The following PCDHA13 variants were observed in gnomAD, a reference collection of about 807,000 sequenced individuals.
PCDHA13 encodes the protein protocadherin alpha-13.
In PCDHA13, 54 loss-of-function variants were observed where a neutral mutation model predicts 64.8. The ratio of observed to expected loss-of-function variants is 0.83; its 90% CI spans 0.67 to 1.04. PCDHA13 has a LOEUF of 1.04. Ranked by LOEUF, PCDHA13 falls within the 50% of genes least tolerant of loss-of-function variation. PCDHA13 has a pLI of 0.00. For synonymous variants in PCDHA13, 587 were observed against 564.4 expected, an observed-to-expected ratio of 1.04 and a Z score of -0.57; for missense variants, 1,248 against 1,254.3, an observed-to-expected ratio of 0.99 and a Z score of 0.08.
chr5:140,978,457 C>G (rs1223652568), intron 1 of PCDHA13, among the ~76,000 whole-genome samples: 1 of 152,182 alleles, frequency 6.6e-6, no homozygotes, highest in Non-Finnish European at 1.5e-5. Context: ...GCACATCCGC[C>G]CTGGGTCAAA....
At chr5:140,901,284 G>T (rs868936344) in intron 1 of PCDHA13, among the ~76,000 whole-genome samples, 1 of 152,046 alleles carries the variant, frequency 6.6e-6, no homozygotes, top group Admixed American at 6.6e-5. Flanking sequence ...AGAAATTTTT[G>T]CCCAGACTGA....
In PCDHA13 at chr5:141,009,879, A is replaced by T. The variant is rs2098415109; in HGVS notation, c.2795A>T (p.Asn932Ile). The T allele has an allele frequency of 1.2e-6, 2 of 1,613,766 alleles. No individual in the cohort carries two copies. The highest frequency in any genetic ancestry group is 3.3e-5 in the Admixed American group (2 of 59,900). Reference sequence around the variant, plus strand: ...AAAAAGAAGAAAAAGAAGAAGGGTAACAAGACCCAGGAGAAAAAAGAGAAA... The same window carrying T: ...AAAAAGAAGAAAAAGAAGAAGGGTATCAAGACCCAGGAGAAAAAAGAGAAA... The part of the protein sequence containing the change: ...TKKKKKKKKG[N>I]KTQEKKEKGN... Residue 932 changes from asparagine to isoleucine, a missense_variant, in exon 4 of 4, where the codon AAC (asparagine) becomes ATC (isoleucine). Coordinates refer to ENST00000289272, the MANE Select transcript of PCDHA13 (RefSeq NM_018904.3).
chr5:140,894,919 T>C (rs1188144925), intron 1 of PCDHA13, among the ~76,000 whole-genome samples: 1 of 152,348 alleles, frequency 6.6e-6, no homozygotes, highest in Non-Finnish European at 1.5e-5. Context: ...TGTTGCTCTA[T>C]AGATTTCTAT....
intron 1 of PCDHA13, among the ~76,000 whole-genome samples, chr5:140,923,187 T>C (rs1554201249): frequency 1.3e-5 from 2 of 152,192 alleles, no homozygotes; most frequent in African/African-American, 4.8e-5. Flanking sequence ...ATGCATCTAC[T>C]GCAGCAATTT....
Position 141,010,168 on chromosome 5 carries a change from C to T in PCDHA13, c.*231C>T. The T allele has an allele frequency of 6.4e-7, 1 of 1,561,094 alleles. No individual in the cohort carries two copies. On this transcript the variant is annotated 3_prime_UTR_variant, in exon 4 of 4. Coordinates refer to ENST00000289272, the MANE Select transcript of PCDHA13 (RefSeq NM_018904.3). Reference sequence around the variant, plus strand: ...TCTCCACTCTGGCTTGTTTTCAGAACCTAAAAAGCAGACCCAAGTTTCCTT... The same window carrying T: ...TCTCCACTCTGGCTTGTTTTCAGAATCTAAAAAGCAGACCCAAGTTTCCTT...
intron 1 of PCDHA13, among the ~76,000 whole-genome samples, chr5:140,971,015 G>C (rs1425390222): frequency 6.6e-6 from 1 of 152,228 alleles, no homozygotes; most frequent in Non-Finnish European, 1.5e-5. Flanking sequence ...GAAGTCTTTA[G>C]ATCGTAGCAT....
rs1554174153 is a variant in PCDHA13, at chr5:140,882,442, G to A, written c.174G>A (p.Glu58=). 1 of 1,613,948 alleles carries A rather than the reference G, an allele frequency of 6.2e-7. No individual in the cohort carries two copies. Among genetic ancestry groups the A allele is most frequent in the African/African-American group, 1.3e-5 (1 of 74,950 alleles). ...IAQDLGLELA[E]LVPRLFRVAS... is the part of the protein sequence containing the mutation. ...AGGACCTGGGGCTGGAGCTGGCGGA[G>A]CTGGTGCCGCGCCTGTTCCGGGTGG... Residue 58 remains glutamate, a synonymous_variant, in exon 1 of 4, where the codon GAG becomes GAA. Coordinates refer to ENST00000289272, the MANE Select transcript of PCDHA13 (RefSeq NM_018904.3).
chr5:141,007,524 C>T (rs2098334216), intron 3 of PCDHA13, among the ~76,000 whole-genome samples: 1 of 151,984 alleles, frequency 6.6e-6, no homozygotes, highest in African/African-American at 2.4e-5. Context: ...GCTGATATCT[C>T]GCCACTGCAC....
At chr5:140,981,041 A>C (rs72802989) in intron 2 of PCDHA13, among the ~76,000 whole-genome samples, 7,382 of 152,278 alleles carry the variant, frequency 0.048, 205 homozygotes, top group Non-Finnish European at 0.065. Context: ...GGGAAAAAAA[A>C]CAGATAATTC....
At chr5:141,004,508 G>A (rs1554259596) in intron 3 of PCDHA13, among the ~76,000 whole-genome samples, 1 of 152,200 alleles carries the variant, frequency 6.6e-6, no homozygotes. Flanking sequence ...GCTGTGAGGG[G>A]CTCCCTCTGC....
intron 1 of PCDHA13, among the ~76,000 whole-genome samples, chr5:140,946,305 T>C (rs1484740423): frequency 6.6e-6 from 1 of 151,868 alleles, no homozygotes; most frequent in East Asian, 1.9e-4. Flanking sequence ...CCTGGTAGAA[T>C]GGCTATTATT....
At chr5:140,931,519 A>G (rs578009368) in intron 1 of PCDHA13, among the ~76,000 whole-genome samples, 6 of 152,054 alleles carry the variant, frequency 3.9e-5, no homozygotes, top group Non-Finnish European at 8.8e-5. Flanking sequence ...TGAATGATTA[A>G]CAAAATAATA....
At chr5:140,978,570 G>A (rs151127662) in intron 1 of PCDHA13, among the ~76,000 whole-genome samples, 216 of 152,314 alleles carry the variant, frequency 1.4e-3, no homozygotes, top group African/African-American at 4.9e-3. Flanking sequence ...CTGTAATACT[G>A]AATTGGGAAT....
chr5:140,937,343 A>G (rs1412775724), intron 1 of PCDHA13, among the ~76,000 whole-genome samples: 1 of 151,948 alleles, frequency 6.6e-6, no homozygotes, highest in Non-Finnish European at 1.5e-5. Context: ...GGCTTCTTCC[A>G]TTTATTTTAT....
intron 1 of PCDHA13, among the ~76,000 whole-genome samples, chr5:140,924,575 T>C (rs1255232429): frequency 6.6e-6 from 1 of 152,078 alleles, no homozygotes; most frequent in East Asian, 1.9e-4. Flanking sequence ...TTTTTAAATG[T>C]TTTCAAATAT....
intron 1 of PCDHA13, among the ~76,000 whole-genome samples, chr5:140,950,636 T>A (rs528587890): frequency 1.4e-3 from 206 of 152,222 alleles, no homozygotes; most frequent in Non-Finnish European, 2.4e-3. Flanking sequence ...TTTATTTTTA[T>A]CCTGTTTATG....
In PCDHA13 at chr5:141,009,987, A is replaced by C. The variant is rs2154001821; in HGVS notation, c.*50A>C. The C allele has an allele frequency of 6.3e-7, 1 of 1,580,396 alleles. No individual in the cohort carries two copies. Among genetic ancestry groups the C allele is most frequent in the East Asian group, 2.2e-5 (1 of 44,670 alleles). On this transcript the variant is annotated 3_prime_UTR_variant, in exon 4 of 4. Coordinates refer to ENST00000289272, the MANE Select transcript of PCDHA13 (RefSeq NM_018904.3). The stretch of plus-strand genomic sequence containing the variant: ...TTAGCCAGTTTTTGTAATAATGGCA[A>C]ATCTCTCCCATGTAGCAATTCCCTG...
chr5:140,929,232 G>A lies in PCDHA13; in HGVS notation c.2394+44570G>A, dbSNP rs782109734. On this transcript the variant is annotated intron_variant, in intron 1 of 3. Coordinates refer to ENST00000289272, the MANE Select transcript of PCDHA13 (RefSeq NM_018904.3). ...GTGGGGAGTACAATGCTGCCGACCTGCGAAATCTTGCCACTGGGGTAGGAC... is the reference window on the plus strand; with the variant it reads ...GTGGGGAGTACAATGCTGCCGACCTACGAAATCTTGCCACTGGGGTAGGAC... 2.5e-6 allele frequency: 4 copies of A among 1,613,756 alleles called. No individual in the cohort carries two copies. In the Admixed American group the frequency reaches 5.0e-5, roughly 20 times the overall value.
intron 2 of PCDHA13, among the ~76,000 whole-genome samples, chr5:140,981,680 C>G (rs1238332235): frequency 6.6e-6 from 1 of 151,746 alleles, no homozygotes; most frequent in Non-Finnish European, 1.5e-5. Context: ...CTTCCTTCCT[C>G]CCTTCCATCA....
Sources: allele counts gnomAD v4.1 joint callset (sites outside exome capture counted in the v4.1 genomes callset), GRCh38; gene constraint gnomAD v4.1.1; transcripts MANE v1.5; gene names NCBI Gene and HGNC (gene_info 2026-07-23, HGNC 2026-07-21).